Variants in MYT1L observed in about 807,000 individuals in gnomAD.
MYT1L encodes the protein myelin transcription factor 1 like.
In MYT1L, 12 loss-of-function variants were observed where a neutral mutation model predicts 126.7. The observed-to-expected ratio is 0.09, with a 90% CI of 0.06 to 0.15. The LOEUF (loss-of-function observed/expected upper bound fraction) is 0.15. Among genes scored for constraint, MYT1L ranks in the 10% least tolerant of loss-of-function variants. The pLI, the probability that MYT1L is intolerant of heterozygous loss-of-function variation, is 1.00. For missense variants in MYT1L, 979 were observed against 1,585.2 expected (o/e 0.62, Z 6.49); for synonymous variants, 541 against 604.2 (o/e 0.90, Z 1.53).
intron 2 of MYT1L, among the ~76,000 whole-genome samples, chr2:2,230,648 T>C (rs1247725462): frequency 6.6e-6 from 1 of 152,170 alleles, no homozygotes; most frequent in African/African-American, 2.4e-5. Context: ...AATCCACTTC[T>C]AGCAGCAGCA....
At chr2:1,966,068 C>T (rs1009064579) in intron 8 of MYT1L, among the ~76,000 whole-genome samples, 4 of 152,230 alleles carry the variant, frequency 2.6e-5, no homozygotes, top group Non-Finnish European at 5.9e-5. Context: ...GAACAAGAGG[C>T]CCTGACACCC....
chr2:2,239,008 C>A (rs1318765070), intron 2 of MYT1L, among the ~76,000 whole-genome samples: 1 of 152,196 alleles, frequency 6.6e-6, no homozygotes, highest in African/African-American at 2.4e-5. Context: ...CCTGGGGGAC[C>A]CTGACCCAGC....
intron 3 of MYT1L, among the ~76,000 whole-genome samples, chr2:2,160,370 A>G (rs1408142145): frequency 6.6e-6 from 1 of 152,222 alleles, no homozygotes; most frequent in Non-Finnish European, 1.5e-5. Context: ...TGATTTTTAT[A>G]TAATAGAAAC....
chr2:2,029,010 T>A (rs1449964168), intron 4 of MYT1L, among the ~76,000 whole-genome samples: 1 of 152,206 alleles, frequency 6.6e-6, no homozygotes, highest in African/African-American at 2.4e-5. Context: ...AATTAGGTAC[T>A]AGGATGAATG....
chr2:1,829,613 C>CTT (rs2039844223), intron 21 of MYT1L, among the ~76,000 whole-genome samples: 1 of 127,266 alleles, frequency 7.9e-6, no homozygotes, highest in African/African-American at 3.3e-5. Flanking sequence ...GTGAACTGAC[C>CTT]CTCCCATACA....
At chr2:2,255,496 G>A (rs142126703) in intron 2 of MYT1L, among the ~76,000 whole-genome samples, 23 of 152,090 alleles carry the variant, frequency 1.5e-4, no homozygotes, top group Admixed American at 6.6e-4. Context: ...GGAGCCACAC[G>A]GTGAAATCAT....
At chr2:1,874,699 G>A (rs560720037) in intron 18 of MYT1L, among the ~76,000 whole-genome samples, 11 of 152,158 alleles carry the variant, frequency 7.2e-5, no homozygotes, top group African/African-American at 2.2e-4. Context: ...CCCTCTGCCC[G>A]TGCCGTTTGC....
chr2:1,808,231 T>C (rs139227539), intron 22 of MYT1L, among the ~76,000 whole-genome samples: 34 of 152,274 alleles, frequency 2.2e-4, no homozygotes, highest in African/African-American at 7.9e-4. Context: ...GACAACCTAT[T>C]TAATAGATAC....
chr2:2,244,082 T>C (rs1412044447), intron 2 of MYT1L, among the ~76,000 whole-genome samples: 2 of 152,224 alleles, frequency 1.3e-5, no homozygotes, highest in Admixed American at 1.3e-4. Flanking sequence ...TATGTTTCTA[T>C]TTCGATCATG....
chr2:2,186,773 C>T (rs964531882), intron 2 of MYT1L, among the ~76,000 whole-genome samples: 1 of 152,184 alleles, frequency 6.6e-6, no homozygotes, highest in Non-Finnish European at 1.5e-5. Context: ...CGAATAAACT[C>T]TTAAATTCCA....
intron 2 of MYT1L, among the ~76,000 whole-genome samples, chr2:2,227,560 C>T (rs1355804248): frequency 2.0e-5 from 3 of 152,174 alleles, no homozygotes; most frequent in Admixed American, 6.5e-5. Context: ...CACACCCAGC[C>T]CTGCACTGCT....
chr2:2,174,554 G>A (rs915592215), intron 2 of MYT1L, among the ~76,000 whole-genome samples: 6 of 152,130 alleles, frequency 3.9e-5, no homozygotes, highest in Admixed American at 1.3e-4. Context: ...ACGTGACAGC[G>A]CATGTGGAGA....
rs2095489350 is a variant in MYT1L at position 2,284,448 on chromosome 2, T to A, written c.-465A>T. Reference sequence around the variant, plus strand: ...AATGTCAACGTGGATTGGACAAACGTCCAGGCAACAGCCGCACACACCTCG... The same window carrying A: ...AATGTCAACGTGGATTGGACAAACGACCAGGCAACAGCCGCACACACCTCG... On this transcript the variant is annotated 5_prime_UTR_variant, in exon 2 of 25. Transcript: ENST00000647738. The A allele has an allele frequency of 6.6e-6, 1 of 152,154 alleles. No individual in the cohort carries two copies. The allele number at this position is 152,154 out of a possible 1,614,324, so 9.4% of individuals were successfully genotyped here. A position where few individuals can be genotyped will look rare whatever the true frequency, so the allele number is the denominator to read the frequency against.
chr2:1,847,922 C>G (rs74614236), intron 19 of MYT1L, among the ~76,000 whole-genome samples: 8,552 of 152,172 alleles, frequency 0.056, 472 homozygotes, highest in Admixed American at 0.19. Context: ...AGGTACAACC[C>G]CACCTTCTCT....
At chr2:2,044,184 C>T (rs2067882190) in intron 4 of MYT1L, among the ~76,000 whole-genome samples, 1 of 152,178 alleles carries the variant, frequency 6.6e-6, no homozygotes. Context: ...CCATGTTAGC[C>T]ATACACAAAT....
At chr2:2,093,927 G>A (rs1355317537) in intron 3 of MYT1L, among the ~76,000 whole-genome samples, 1 of 152,152 alleles carries the variant, frequency 6.6e-6, no homozygotes, top group Non-Finnish European at 1.5e-5. Flanking sequence ...AGTTTTCCCA[G>A]CACCATTTGT....
At chr2:2,208,869 A>C (rs961909010) in intron 2 of MYT1L, among the ~76,000 whole-genome samples, 5 of 152,208 alleles carry the variant, frequency 3.3e-5, no homozygotes, top group Admixed American at 2.6e-4. Context: ...GGTTACTATA[A>C]CTAGATCATG....
chr2:2,182,284 C>T (rs1165701135), intron 2 of MYT1L, among the ~76,000 whole-genome samples: 4 of 152,180 alleles, frequency 2.6e-5, no homozygotes, highest in African/African-American at 9.7e-5. Flanking sequence ...TAGAACAGTA[C>T]CCATGCCAAT....
At chr2:2,079,602 G>A (rs539545464) in intron 3 of MYT1L, among the ~76,000 whole-genome samples, 1 of 152,180 alleles carries the variant, frequency 6.6e-6, no homozygotes, top group Non-Finnish European at 1.5e-5. Context: ...TCAGGAGATT[G>A]AGACCATCCT....
Sources: gnomAD v4.1 joint callset for allele counts (sites outside exome capture counted in the v4.1 genomes callset) on GRCh38, gnomAD v4.1.1 for gene constraint, MANE v1.5 for transcripts, NCBI Gene and HGNC (gene_info 2026-07-23, HGNC 2026-07-21) for gene names.